Variants in NDUFB2 observed in about 807,000 individuals in gnomAD.
The protein encoded by NDUFB2 is NADH:ubiquinone oxidoreductase subunit B2, also known as NADH dehydrogenase [ubiquinone] 1 beta subcomplex subunit 2, mitochondrial.
A neutral mutation model predicts 13.4 loss-of-function variants in NDUFB2; 13 were observed. That is an observed-to-expected ratio of 0.97 (90% CI 0.63 to 1.54). NDUFB2 has a LOEUF of 1.54. Ranked by LOEUF, NDUFB2 falls within the 40% of genes most tolerant of loss-of-function variation. The probability of loss-of-function intolerance (pLI) is 0.00; values close to 1 mark genes in which losing one functional copy is unlikely to be tolerated. For missense variants in NDUFB2, 150 were observed against 139.7 expected, an observed-to-expected ratio of 1.07 and a Z score of -0.37; for synonymous variants, 47 against 50.6, an observed-to-expected ratio of 0.93 and a Z score of 0.30.
At chr7:140,699,064 A>G (rs933684263) in intron 1 of NDUFB2, among the ~76,000 whole-genome samples, 3 of 152,142 alleles carry the variant, frequency 2.0e-5, no homozygotes, top group Admixed American at 2.0e-4. Context: ...AGGCTGAGGC[A>G]GGAGAATTGC....
intron 1 of NDUFB2, 41 bp downstream of exon 1, chr7:140,696,883 G>T: frequency 6.5e-7 from 1 of 1,540,994 alleles, no homozygotes; most frequent in Non-Finnish European, 8.8e-7. Flanking sequence ...CCGGCCTGTA[G>T]CGGACAGCGC....
intron 1 of NDUFB2, chr7:140,697,206 GC>G (rs1794822755): frequency 1.5e-6 from 1 of 648,902 alleles, no homozygotes; most frequent in Non-Finnish European, 2.8e-6. Flanking sequence ...CTGGAGCGAG[GC>G]GGGGGGCGGC....
At chr7:140,705,161 G>A (rs563436225) in intron 3 of NDUFB2, 198 bp downstream of exon 3, 171 of 341,638 alleles carry the variant, frequency 5.0e-4, no homozygotes, top group Middle Eastern at 7.9e-4. Flanking sequence ...GTGCAGTGGC[G>A]TGATCTGGGC....
chr7:140,706,031 T>TATGTTATGTTATGTTA (rs1554492454), intron 3 of NDUFB2: 4 of 142,128 alleles, frequency 2.8e-5, no homozygotes, highest in African/African-American at 1.2e-4. Context: ...TTATTTTAGT[T>TATGTTATGTTATGTTA]TGTTATGTTA....
chr7:140,702,983 C>CT lies in NDUFB2; in HGVS notation c.220dup (p.Trp74LeufsTer3). On this transcript the variant is annotated frameshift_variant, in exon 2 of 4. Coordinates refer to ENST00000247866, the MANE Select transcript of NDUFB2 (RefSeq NM_004546.3). LOFTEE classifies it high-confidence loss of function. ...TCATGTGGTTCTGGATTCTCTGGCG[C>CT]TTTTGGCATGACTCAGAAGAGGTGC... 1 of 1,613,860 alleles carries CT rather than the reference C, an allele frequency of 6.2e-7. No individual in the cohort carries two copies. The highest frequency in any genetic ancestry group is 1.1e-5 in the South Asian group (1 of 91,076).
rs139756528 is a variant in NDUFB2, at chr7:140,700,564, G to A, written c.99-2302G>A. On this transcript the variant is annotated intron_variant, in intron 1 of 3. Transcript: ENST00000247866. ...AGCACTTTGGGAGGTCAGGGCAGGCGGATCACCTGAGGTCAGGAGTTCGAG... is the reference window on the plus strand; with the variant it reads ...AGCACTTTGGGAGGTCAGGGCAGGCAGATCACCTGAGGTCAGGAGTTCGAG... 4.0e-3 allele frequency: 602 copies of A among 151,278 alleles called. 7 individuals carry two copies. Among genetic ancestry groups the A allele is most frequent in the African/African-American group, 0.014 (565 of 41,268 alleles). The allele number at this position is 151,278 out of a possible 1,614,324, so 9.4% of individuals were successfully genotyped here. A position where few individuals can be genotyped will look rare whatever the true frequency, so the allele number is the denominator to read the frequency against.
intron 2 of NDUFB2, among the ~76,000 whole-genome samples, chr7:140,703,911 A>G (rs903718375): frequency 7.3e-5 from 11 of 151,596 alleles, no homozygotes; most frequent in Non-Finnish European, 1.3e-4. Context: ...GCCCGCCACC[A>G]CTCCCGGCTA....
In NDUFB2 at chr7:140,702,929, G is replaced by C. The variant is rs1457219248; in HGVS notation, c.162G>C (p.Gln54His). The C allele has an allele frequency of 9.3e-6, 15 of 1,614,006 alleles. No homozygotes were observed. Among genetic ancestry groups the C allele is most frequent in the Non-Finnish European group, 1.3e-5 (15 of 1,180,022 alleles). Residue 54 changes from glutamine to histidine, a missense_variant, in exon 2 of 4, where the codon CAG becomes CAC. Gln to His is a conservative substitution (Grantham distance 24). Coordinates refer to ENST00000247866, the MANE Select transcript of NDUFB2 (RefSeq NM_004546.3). ...YRQFPQLTRS[Q>H]VFQSEFFSGL... ...AGTTCCCCCAGCTGACCAGATCCCA[G>C]GTGTTCCAGAGCGAGTTCTTCAGCG... is the stretch of plus-strand genomic sequence containing the variant.
At chr7:140,705,803 G>T (rs1465631790) in intron 3 of NDUFB2, 1 of 152,126 alleles carries the variant, frequency 6.6e-6, no homozygotes, top group Non-Finnish European at 1.5e-5. Context: ...CATTTAAATA[G>T]ATCCAGCATA....
At chr7:140,699,138 A>G (rs1794861847) in intron 1 of NDUFB2, among the ~76,000 whole-genome samples, 1 of 152,222 alleles carries the variant, frequency 6.6e-6, no homozygotes, top group Non-Finnish European at 1.5e-5. Context: ...AGCCTGGGTG[A>G]CAGAGTGAGA....
intron 2 of NDUFB2, among the ~76,000 whole-genome samples, chr7:140,704,035 G>A (rs541507946): frequency 2.6e-5 from 4 of 152,310 alleles, no homozygotes; most frequent in East Asian, 3.9e-4. Flanking sequence ...GATTACAGGC[G>A]TGAGCCACTG....
chr7:140,702,006 G>A (rs1405723529), intron 1 of NDUFB2: 8 of 700,696 alleles, frequency 1.1e-5, no homozygotes, highest in South Asian at 4.5e-5. Flanking sequence ...TACTGTTCAC[G>A]AATCTGTGCA....
chr7:140,699,112 C>T (rs1032882275), intron 1 of NDUFB2, among the ~76,000 whole-genome samples: 5 of 152,064 alleles, frequency 3.3e-5, no homozygotes, highest in Non-Finnish European at 7.4e-5. Flanking sequence ...GAGCCGAGAT[C>T]GTGCCACTGC....
In NDUFB2 at chr7:140,697,961, A is replaced by G. The variant is rs1563214125; in HGVS notation, c.98+1119A>G. The G allele has an allele frequency of 2.3e-5, 29 of 1,278,490 alleles. No homozygotes were observed. In the South Asian group the frequency reaches 3.2e-4, roughly 14 times the overall value. 79.2% of individuals were successfully genotyped at this position (1,278,490 alleles called of 1,614,324 possible). A position where few individuals can be genotyped will look rare whatever the true frequency, so the allele number is the denominator to read the frequency against. ...GTGATTCTCCAGCCTCGGCCTCCCA[A>G]AGTGTTGGGAATACAGGCGAGCCAC... On this transcript the variant is annotated intron_variant, in intron 1 of 3. Transcript: ENST00000247866.
intron 1 of NDUFB2, chr7:140,701,097 CTATT>C (rs1169613981): frequency 6.6e-6 from 1 of 151,608 alleles, no homozygotes; most frequent in Admixed American, 6.6e-5. Context: ...TTTTGGATGA[CTATT>C]TAGAAAAAAA....
intron 3 of NDUFB2, chr7:140,706,234 C>T (rs1279402366): frequency 6.6e-6 from 1 of 151,906 alleles, no homozygotes; most frequent in Non-Finnish European, 1.5e-5. Flanking sequence ...GGGACTACTA[C>T]TCTTGGCTAA....
intron 2 of NDUFB2, among the ~76,000 whole-genome samples, chr7:140,703,349 G>A (rs564805067): frequency 4.9e-5 from 7 of 143,850 alleles, no homozygotes; most frequent in South Asian, 4.5e-4. Flanking sequence ...ATCTCGGCTC[G>A]CTGCAACCTC....
intron 1 of NDUFB2, 145 bp downstream of exon 1, chr7:140,696,987 C>T: frequency 2.7e-6 from 2 of 737,364 alleles, no homozygotes; most frequent in South Asian, 3.6e-5. Flanking sequence ...CTCCTGAAGC[C>T]GCGACTCGAG....
chr7:140,702,710 A>C (rs1794913224), intron 1 of NDUFB2, 156 bp from the exon 2 acceptor site: 3 of 878,304 alleles, frequency 3.4e-6, no homozygotes, highest in Admixed American at 2.7e-5. Flanking sequence ...AGCTTAGTAA[A>C]AAGTGAGTAT....
Sources: gnomAD v4.1 joint callset for allele counts (sites outside exome capture counted in the v4.1 genomes callset) on GRCh38, gnomAD v4.1.1 for gene constraint, MANE v1.5 for transcripts, NCBI Gene and HGNC (gene_info 2026-07-23, HGNC 2026-07-21) for gene names.